Variants in SLC34A3 observed in about 807,000 individuals in gnomAD.
The protein encoded by SLC34A3 is solute carrier family 34 member 3.
A neutral mutation model predicts 43.9 loss-of-function variants in SLC34A3; 60 were observed. The ratio of observed to expected loss-of-function variants is 1.37; its 90% CI spans 1.11 to 1.70. The LOEUF (loss-of-function observed/expected upper bound fraction) is 1.70, where lower values mean the gene tolerates loss of function less well. Among genes scored for constraint, SLC34A3 ranks in the 40% most tolerant of loss-of-function variants. SLC34A3 has a pLI of 0.00. For missense variants in SLC34A3, 969 were observed against 823.8 expected, an observed-to-expected ratio of 1.18 and a Z score of -2.16; for synonymous variants, 451 against 386.2, an observed-to-expected ratio of 1.17 and a Z score of -1.97.
At position 137,233,074 on chromosome 9, in the gene SLC34A3, G is replaced by C. The variant is rs1448990847; in HGVS notation, c.519G>C (p.Leu173=). 6.2e-7 allele frequency: 1 copy of C among 1,611,472 alleles called. No homozygotes were observed. Among genetic ancestry groups the C allele is most frequent in the African/African-American group, 1.3e-5 (1 of 74,874 alleles). The change falls in exon 6 of 13, where the codon CTG becomes CTC. Residue 173 remains leucine, a synonymous_variant. Transcript: ENST00000673835. The part of the protein sequence containing the change: ...VNVGTSITST[L]VSMAQSGDRD... The stretch of plus-strand genomic sequence containing the variant: ...TAGGCACATCCATCACCAGCACCCT[G>C]GTCTCAATGGCGCAGTCAGGGGACC...
rs1378603998 is a variant in SLC34A3, at chr9:137,234,177, C to T, written c.994C>T (p.Leu332=). The T allele has an allele frequency of 1.9e-6, 3 of 1,605,454 alleles. No individual in the cohort carries two copies. In the African/African-American group the frequency reaches 4.0e-5, roughly 21 times the overall value. ...GGGCTGCATCCTGCTGGCCGGCTCCCTGCTGGTGCTCTGCGGCTGCCTGGT... is the reference window on the plus strand; with the variant it reads ...GGGCTGCATCCTGCTGGCCGGCTCCTTGCTGGTGCTCTGCGGCTGCCTGGT... The part of the protein sequence containing the change: ...AVGCILLAGS[L]LVLCGCLVLI... The change falls in exon 10 of 13, where the codon CTG becomes TTG. Residue 332 remains leucine, a synonymous_variant. Transcript: ENST00000673835. The surrounding 1 kb of genome is among the most constrained non-coding windows in gnomAD (Gnocchi z 6.9).
rs778685850 is a variant in SLC34A3, at chr9:137,232,900, A to G, written c.421A>G (p.Ile141Val). 1.2e-6 allele frequency: 2 copies of G among 1,608,430 alleles called. No homozygotes were observed. The highest frequency in any genetic ancestry group is 1.7e-6 in the Non-Finnish European group (2 of 1,178,056). ...GCAGAGTTCCAGCACGTCCTCCTCCATCGTGGTCAGCATGGTGGCTGCTAA... is the reference window on the plus strand; with the variant it reads ...GCAGAGTTCCAGCACGTCCTCCTCCGTCGTGGTCAGCATGGTGGCTGCTAA... The part of the protein sequence containing the change: ...LVQSSSTSSS[I>V]VVSMVAAKLL... The change falls in exon 5 of 13, where the codon ATC (isoleucine) becomes GTC (valine). Residue 141 changes from isoleucine (I) to valine (V), a missense_variant. Transcript: ENST00000673835.
In SLC34A3 at chr9:137,232,142, C is replaced by T. The variant is rs781064068; in HGVS notation, c.156C>T (p.Asp52=). ...CCTGGACCCTCCCTCAGCTGAAGGA[C>T]ACAAGCCAGCCCTGGAAAGGTGGGT... ...TDPWTLPQLK[D]TSQPWKELRV... is the part of the protein sequence containing the mutation. The change falls in exon 3 of 13, where the codon GAC becomes GAT. Residue 52 remains aspartate, a synonymous_variant. Transcript: ENST00000673835. The T allele has an allele frequency of 1.9e-6, 3 of 1,613,070 alleles. No homozygotes were observed. The highest frequency in any genetic ancestry group is 2.5e-6 in the Non-Finnish European group (3 of 1,179,970).
chr9:137,231,741 C>T lies in SLC34A3; in HGVS notation c.39C>T (p.Pro13=), dbSNP rs144208635. 1 of 1,613,212 alleles carries T rather than the reference C, an allele frequency of 6.2e-7. No homozygotes were observed. The change falls in exon 2 of 13, where the codon CCC becomes CCT. Residue 13 remains proline (P), a synonymous_variant. Transcript: ENST00000673835. ...TTCCCGGCAGCCAGGTCCCCCACCC[C>T]ACTCTGGACGCGGTTGACCTAGTGG... ...SSLPGSQVPH[P]TLDAVDLVEK...
chr9:137,236,250 G>A lies in SLC34A3; in HGVS notation c.1634G>A (p.Arg545His), dbSNP rs760901259. ...CGCCGGCCGGCCTGGCTGCCTGTCC[G>A]CCTGCGCTCCTGGGCCTGGCTCCCC... ...QRRRPAWLPVRLRSWAWLPVW... is the reference protein window; with the variant it reads ...QRRRPAWLPVHLRSWAWLPVW... Residue 545 changes from arginine to histidine, a missense_variant, in exon 13 of 13, where the codon CGC becomes CAC. Transcript: ENST00000673835. 1.8e-5 allele frequency: 28 copies of A among 1,548,582 alleles called. No individual in the cohort carries two copies. The highest frequency in any genetic ancestry group is 6.8e-5 in the African/African-American group (5 of 73,114).
rs760901259 is a variant in SLC34A3, at chr9:137,236,250, G to T, written c.1634G>T (p.Arg545Leu). Residue 545 changes from arginine (R) to leucine (L), a missense_variant, in exon 13 of 13, where the codon CGC becomes CTC. Transcript: ENST00000673835. ...CGCCGGCCGGCCTGGCTGCCTGTCC[G>T]CCTGCGCTCCTGGGCCTGGCTCCCC... ...QRRRPAWLPVRLRSWAWLPVW... is the reference protein window; with the variant it reads ...QRRRPAWLPVLLRSWAWLPVW... The T allele has an allele frequency of 6.5e-7, 1 of 1,548,700 alleles. No homozygotes were observed. Among genetic ancestry groups the T allele is most frequent in the African/African-American group, 1.4e-5 (1 of 73,236 alleles).
At chr9:137,232,288 TC>T (rs1049105340) in intron 3 of SLC34A3, 127 bp downstream of exon 3, 217 of 954,156 alleles carry the variant, frequency 2.3e-4, no homozygotes, top group African/African-American at 1.6e-3. Context: ...GCAGGCCCCC[TC>T]TGGGGAGACA....
intron 12 of SLC34A3, among the ~76,000 whole-genome samples, chr9:137,235,708 G>C (rs1836550883): frequency 6.6e-6 from 1 of 152,256 alleles, no homozygotes; most frequent in Non-Finnish European, 1.5e-5. Flanking sequence ...GAGGGCAGCA[G>C]TGATGCAGTC....
rs754287919 is a variant in SLC34A3, at chr9:137,236,212, T to C, written c.1596T>C (p.Thr532=). Residue 532 remains threonine, a synonymous_variant, in exon 13 of 13, where the codon ACT becomes ACC. Coordinates refer to ENST00000673835, the MANE Select transcript of SLC34A3 (RefSeq NM_001177316.2). The part of the protein sequence containing the change: ...VGLVLLVILV[T]VLQRRRPAWL... Reference sequence around the variant, plus strand: ...TGGTGCTCCTCGTCATCCTGGTTACTGTCCTGCAGCGGCGCCGGCCGGCCT... The same window carrying C: ...TGGTGCTCCTCGTCATCCTGGTTACCGTCCTGCAGCGGCGCCGGCCGGCCT... 18 of 1,586,628 alleles carry C rather than the reference T, an allele frequency of 1.1e-5. No individual in the cohort carries two copies. The highest frequency in any genetic ancestry group is 1.5e-5 in the Non-Finnish European group (18 of 1,169,044).
At chr9:137,230,784 G>T (rs968859578), upstream of SLC34A3, 2 of 152,270 alleles carry the variant, frequency 1.3e-5, no homozygotes, top group African/African-American at 4.8e-5. Flanking sequence ...GGGCCTTGGG[G>T]CCAGGAGGGT....
At chr9:137,230,658 C>T (rs1230612045), upstream of SLC34A3, 2 of 152,206 alleles carry the variant, frequency 1.3e-5, no homozygotes, top group African/African-American at 4.8e-5. Flanking sequence ...TGCCCCGCCC[C>T]GCAGTGCCCT....
chr9:137,231,428 C>T (rs1331927416), intron 1 of SLC34A3, among the ~76,000 whole-genome samples: 1 of 152,176 alleles, frequency 6.6e-6, no homozygotes, highest in African/African-American at 2.4e-5. Flanking sequence ...GGAGCTGGAG[C>T]CCCTTCGAGT....
chr9:137,233,779 T>TTGGGGGCCCCCCCCCCCCCCCCCCCCAC, intron 8 of SLC34A3, 57 bp downstream of exon 8: 1 of 1,445,824 alleles, frequency 6.9e-7, no homozygotes, highest in Non-Finnish European at 9.6e-7. Context: ...TGCTGAGTCA[T>TTGGGGGCCCCCCCCCCCCCCCCCCCCAC]CCCGCCCCAC....
chr9:137,231,654 C>T lies in SLC34A3; in HGVS notation c.-39-10C>T, dbSNP rs191571581. ...GGAAATGTCTCTGACACGCGCGTCC[C>T]CCCCAGCAGATCTAGACCTGGGCCT... On this transcript the variant is annotated splice_polypyrimidine_tract_variant and intron_variant, in intron 1 of 12. Coordinates refer to ENST00000673835, the MANE Select transcript of SLC34A3 (RefSeq NM_001177316.2). 2 of 1,470,206 alleles carry T rather than the reference C, an allele frequency of 1.4e-6. No individual in the cohort carries two copies. Among genetic ancestry groups the T allele is most frequent in the Non-Finnish European group, 1.9e-6 (2 of 1,050,796 alleles). 91.1% of individuals were successfully genotyped at this position (1,470,206 alleles called of 1,614,324 possible). A position where few individuals can be genotyped will look rare whatever the true frequency, so the allele number is the denominator to read the frequency against.
intron 6 of SLC34A3, 25 bp downstream of exon 6, chr9:137,233,140 G>C: frequency 6.3e-7 from 1 of 1,577,800 alleles, no homozygotes; most frequent in Non-Finnish European, 8.6e-7. Context: ...GAAGGGCTGG[G>C]CTGGGGCTGC....
intron 5 of SLC34A3, 32 bp downstream of exon 5, chr9:137,232,959 G>A: frequency 6.2e-7 from 1 of 1,606,836 alleles, no homozygotes; most frequent in Admixed American, 1.7e-5. Context: ...GGGTGGTGGG[G>A]GGGGCAGGGT....
chr9:137,233,632 G>C lies in SLC34A3; in HGVS notation c.757-1G>C. ...ACCGTCACGACCCCTCTGGCCCCCA[G>C]TTGGACTCCGACATGATCATGAGCA... is the stretch of plus-strand genomic sequence containing the variant. On this transcript the variant is annotated splice_acceptor_variant, in intron 7 of 12. Transcript: ENST00000673835. LOFTEE classifies it high-confidence loss of function. 6.2e-7 allele frequency: 1 copy of C among 1,612,596 alleles called. No homozygotes were observed. The highest frequency in any genetic ancestry group is 1.3e-5 in the African/African-American group (1 of 74,998).
At chr9:137,233,783 G>GCTCCCCCCCAC in intron 8 of SLC34A3, 61 bp downstream of exon 8, 1 of 693,574 alleles carries the variant, frequency 1.4e-6, no homozygotes, top group Non-Finnish European at 2.0e-6. Context: ...GAGTCATCCC[G>GCTCCCCCCCAC]CCCCACCCAC....
chr9:137,233,783 G>A (rs1471094327), intron 8 of SLC34A3, 61 bp downstream of exon 8: 85 of 715,138 alleles, frequency 1.2e-4, no homozygotes, highest in South Asian at 4.1e-4. Context: ...GAGTCATCCC[G>A]CCCCACCCAC....
Sources: allele counts gnomAD v4.1 joint callset (sites outside exome capture counted in the v4.1 genomes callset), GRCh38; gene constraint gnomAD v4.1.1; non-coding constraint Gnocchi (gnomAD v3.1); transcripts MANE v1.5; gene names NCBI Gene and HGNC (gene_info 2026-07-23, HGNC 2026-07-21).